The following BMERB1 variants were observed in gnomAD, a reference collection of about 807,000 sequenced individuals.
BMERB1 encodes bMERB domain-containing protein 1.
In BMERB1, 12 loss-of-function variants were observed where a neutral mutation model predicts 23.6. That is an observed-to-expected ratio of 0.51 (90% CI 0.33 to 0.82). The LOEUF is 0.82. Ranked by LOEUF, BMERB1 falls within the 40% of genes least tolerant of loss-of-function variation. The probability of loss-of-function intolerance (pLI) is 0.03; values close to 1 mark genes in which losing one functional copy is unlikely to be tolerated. For synonymous variants in BMERB1, 122 were observed against 96.6 expected (o/e 1.26, Z -1.54); for missense variants, 247 against 255.4 (o/e 0.97, Z 0.22).
At chr16:15,584,082 T>C (rs747621272) in intron 5 of BMERB1, 1 of 701,498 alleles carries the variant, frequency 1.4e-6, no homozygotes, top group African/African-American at 1.7e-5. Flanking sequence ...GCAAAGAGGG[T>C]TTTATATGAA....
intron 2 of BMERB1, among the ~76,000 whole-genome samples, chr16:15,567,269 G>A (rs184035708): frequency 2.6e-5 from 4 of 152,158 alleles, no homozygotes; most frequent in African/African-American, 4.8e-5. Flanking sequence ...ATACTAAACC[G>A]TTGACAATGA....
At position 15,504,614 on chromosome 16, in the gene BMERB1, A is replaced by T. The variant is rs552994247; in HGVS notation, c.107-10691A>T. Among the ~76,000 whole-genome samples, 39 of 151,980 alleles carry T rather than the reference A, an allele frequency of 2.6e-4. 1 individual carries two copies. In the Middle Eastern group the frequency reaches 0.01, roughly 40 times the overall value. Reference sequence around the variant, plus strand: ...CAGCTGTGTGCCACCACATCTGGCTAATGTTTACATTTTATTTTTGTAGAG... The same window carrying T: ...CAGCTGTGTGCCACCACATCTGGCTTATGTTTACATTTTATTTTTGTAGAG... On this transcript the variant is annotated intron_variant, in intron 1 of 5. Transcript: ENST00000300006.
At chr16:15,449,694 C>T (rs2051024390) in intron 1 of BMERB1, among the ~76,000 whole-genome samples, 1 of 151,898 alleles carries the variant, frequency 6.6e-6, no homozygotes, top group South Asian at 2.1e-4. Context: ...TACAGGTGCA[C>T]ACCAACACAC....
chr16:15,585,120 G>A (rs1596406110), intron 5 of BMERB1, among the ~76,000 whole-genome samples: 3 of 152,246 alleles, frequency 2.0e-5, no homozygotes, highest in Admixed American at 2.0e-4. Flanking sequence ...GAAAGAGAAG[G>A]GCAATGATCT....
chr16:15,475,181 G>A (rs917231750), intron 1 of BMERB1, among the ~76,000 whole-genome samples: 1 of 152,146 alleles, frequency 6.6e-6, no homozygotes, highest in African/African-American at 2.4e-5. Flanking sequence ...CTGCTGCTGG[G>A]GAGTGAGAAA....
chr16:15,454,649 C>T (rs1003985722), intron 1 of BMERB1, among the ~76,000 whole-genome samples: 6 of 152,014 alleles, frequency 3.9e-5, no homozygotes, highest in Admixed American at 2.0e-4. Context: ...AAAAATTAGC[C>T]GGTGTGATGG....
At chr16:15,435,339 C>A (rs1037227578) in intron 1 of BMERB1, among the ~76,000 whole-genome samples, 1 of 152,210 alleles carries the variant, frequency 6.6e-6, no homozygotes, top group East Asian at 1.9e-4. Context: ...TCTCTTGACT[C>A]AGTTAAAGTC....
chr16:15,457,348 C>G (rs568676633), intron 1 of BMERB1, among the ~76,000 whole-genome samples: 1 of 152,216 alleles, frequency 6.6e-6, no homozygotes, highest in Non-Finnish European at 1.5e-5. Context: ...AGAGCTTGTT[C>G]ACCTTCCAGC....
At chr16:15,575,528 C>G (rs1365651230) in intron 3 of BMERB1, among the ~76,000 whole-genome samples, 1 of 152,164 alleles carries the variant, frequency 6.6e-6, no homozygotes, top group Admixed American at 6.5e-5. Flanking sequence ...CCCTGTGTTA[C>G]TGGTGGAAGG....
intron 2 of BMERB1, among the ~76,000 whole-genome samples, chr16:15,540,526 AAAT>A (rs924312270): frequency 1.3e-5 from 2 of 152,196 alleles, no homozygotes; most frequent in South Asian, 2.1e-4. Context: ...ACCCTGTCTC[AAAT>A]AATAATAATA....
chr16:15,474,781 G>C (rs568809839), intron 1 of BMERB1, among the ~76,000 whole-genome samples: 2 of 151,492 alleles, frequency 1.3e-5, no homozygotes, highest in Non-Finnish European at 2.9e-5. Context: ...CTCTGCCTCC[G>C]GTGTTCAAGC....
At chr16:15,547,894 C>G (rs114140987) in intron 2 of BMERB1, among the ~76,000 whole-genome samples, 2,144 of 152,304 alleles carry the variant, frequency 0.014, 58 homozygotes, top group African/African-American at 0.05. Flanking sequence ...GAGACAACCA[C>G]GTAGTGCCCA....
Position 15,567,983 on chromosome 16 carries a change from G to A in BMERB1, c.231G>A (p.Met77Ile), listed in dbSNP as rs1305243713. 1 of 1,612,902 alleles carries A rather than the reference G, an allele frequency of 6.2e-7. No individual in the cohort carries two copies. The highest frequency in any genetic ancestry group is 8.5e-7 in the Non-Finnish European group (1 of 1,179,050). Residue 77 changes from methionine to isoleucine, a missense_variant and splice_region_variant, in exon 3 of 6, where the codon ATG (methionine) becomes ATA (isoleucine). Physicochemically the swap from Met to Ile is conservative, Grantham distance 10. Transcript: ENST00000300006. ...TGTTGATGGTGTCCTGTTTCCCCAGGATGGATGACATCCAGCTCTGCAAGG... is the reference window on the plus strand; with the variant it reads ...TGTTGATGGTGTCCTGTTTCCCCAGAATGGATGACATCCAGCTCTGCAAGG... The part of the protein sequence containing the change: ...LVRRESELRF[M>I]MDDIQLCKDI...
At chr16:15,458,621 G>A (rs960185851) in intron 1 of BMERB1, among the ~76,000 whole-genome samples, 1 of 151,590 alleles carries the variant, frequency 6.6e-6, no homozygotes, top group Non-Finnish European at 1.5e-5. Flanking sequence ...GGGGGCTGAT[G>A]CAGGAGGATT....
At position 15,531,640 on chromosome 16, in the gene BMERB1, C is replaced by A. The variant is rs550914326; in HGVS notation, c.230+16212C>A. Among the ~76,000 whole-genome samples, 5 of 152,276 alleles carry A rather than the reference C, an allele frequency of 3.3e-5. No individual in the cohort carries two copies. The South Asian group carries it at 8.3e-4, about 25-fold the overall frequency. On this transcript the variant is annotated intron_variant, in intron 2 of 5. Coordinates refer to ENST00000300006, the MANE Select transcript of BMERB1 (RefSeq NM_033201.3). ...GCTTCATCCTGTGCCGGGTTCTCAT[C>A]ATTTTTTTGAAATCTCCCAAAAAAG...
intron 1 of BMERB1, chr16:15,502,377 G>T: frequency 1.7e-5 from 27 of 1,550,154 alleles, no homozygotes; most frequent in Non-Finnish European, 2.4e-5. Flanking sequence ...GCAAAGAAAG[G>T]TATGATCGCT....
chr16:15,496,153 G>A (rs1269436474), intron 1 of BMERB1, among the ~76,000 whole-genome samples: 3 of 149,754 alleles, frequency 2.0e-5, no homozygotes, highest in South Asian at 2.1e-4. Flanking sequence ...GACGATGACA[G>A]TGATGTGCTA....
intron 1 of BMERB1, among the ~76,000 whole-genome samples, chr16:15,514,200 C>T (rs1038917497): frequency 2.0e-5 from 3 of 151,960 alleles, no homozygotes; most frequent in Admixed American, 6.6e-5. Flanking sequence ...GCCCAGGGTT[C>T]GAGGCGGCAG....
In BMERB1 at chr16:15,456,945, C is replaced by T. The variant is rs2051092201; in HGVS notation, c.106+22186C>T. The stretch of plus-strand genomic sequence containing the variant: ...GGTTCAAGCAATTCTCGTGTCTCAG[C>T]CTCCCGAGTACCTGGGATTACAGGC... On this transcript the variant is annotated intron_variant, in intron 1 of 5. Transcript: ENST00000300006. Among the ~76,000 whole-genome samples, 2 of 152,220 alleles carry T rather than the reference C, an allele frequency of 1.3e-5. 1 individual carries two copies. Among genetic ancestry groups the T allele is most frequent in the East Asian group, 3.9e-4 (2 of 5,166 alleles).
Sources: allele counts gnomAD v4.1 joint callset (sites outside exome capture counted in the v4.1 genomes callset), GRCh38; gene constraint gnomAD v4.1.1; transcripts MANE v1.5; gene names NCBI Gene and HGNC (gene_info 2026-07-23, HGNC 2026-07-21).